The following MCM10 variants were observed in gnomAD, a reference collection of about 807,000 sequenced individuals.
MCM10 encodes protein MCM10 homolog.
A neutral mutation model predicts 109.9 loss-of-function variants in MCM10; 91 were observed. The ratio of observed to expected loss-of-function variants is 0.83; its 90% CI spans 0.70 to 0.99. The LOEUF (loss-of-function observed/expected upper bound fraction) is 0.99, where lower values mean the gene tolerates loss of function less well. Among genes scored for constraint, MCM10 ranks in the 50% least tolerant of loss-of-function variants. MCM10 has a pLI of 0.00. For missense variants in MCM10, 1,077 were observed against 1,061.2 expected (o/e 1.01, Z -0.21); for synonymous variants, 380 against 387.2 (o/e 0.98, Z 0.22).
rs746574568 is a variant in MCM10 at position 13,171,185 on chromosome 10, C to G, written c.271C>G (p.Pro91Ala). The change falls in exon 3 of 20, where the codon CCC becomes GCC. Residue 91 changes from proline (P) to alanine (A), a missense_variant. Pro to Ala is a conservative substitution (Grantham distance 27, BLOSUM62 -1). Coordinates refer to ENST00000378714, the MANE Select transcript of MCM10 (RefSeq NM_018518.5). ...GGACTTAACAGATGAAGAAGAAGTTCCCGCATCACAGTCAACTGAAAATAG... is the reference window on the plus strand; with the variant it reads ...GGACTTAACAGATGAAGAAGAAGTTGCCGCATCACAGTCAACTGAAAATAG... ...MEDLTDEEEV[P>A]ASQSTENRVL... 1.2e-6 allele frequency: 2 copies of G among 1,614,146 alleles called. No homozygotes were observed. The highest frequency in any genetic ancestry group is 1.7e-6 in the Non-Finnish European group (2 of 1,180,028).
rs1834344472 is a variant in MCM10, at chr10:13,191,363, A to G, written c.1480A>G (p.Thr494Ala). The G allele has an allele frequency of 1.2e-6, 2 of 1,614,126 alleles. No homozygotes were observed. The highest frequency in any genetic ancestry group is 1.7e-6 in the Non-Finnish European group (2 of 1,179,996). ...TTLSNLVVKGTNLIIQETRQK... is the reference protein window; with the variant it reads ...TTLSNLVVKGANLIIQETRQK... ...TCTGAGTAATCTGGTTGTTAAGGGC[A>G]CAAACTTGATCATCCAGGAAACACG... Residue 494 changes from threonine to alanine, a missense_variant, in exon 11 of 20, where the codon ACA becomes GCA. Thr to Ala is a moderately conservative substitution (Grantham distance 58, BLOSUM62 0). Transcript: ENST00000378714.
chr10:13,179,448 C>T (rs1266292244), intron 6 of MCM10, among the ~76,000 whole-genome samples: 1 of 152,124 alleles, frequency 6.6e-6, no homozygotes, highest in Non-Finnish European at 1.5e-5. Flanking sequence ...AGAAATCAGC[C>T]AAAGGAAAGA....
In MCM10 at chr10:13,172,601, T is replaced by A; in HGVS notation, c.455-27T>A. The A allele has an allele frequency of 6.2e-7, 1 of 1,613,178 alleles. No homozygotes were observed. Among genetic ancestry groups the A allele is most frequent in the South Asian group, 1.1e-5 (1 of 90,874 alleles). Reference sequence around the variant, plus strand: ...AACCTCTTTCTGAATGGGTTTTTACTCACTTATTTTACTTTTGATTAAGTA... The same window carrying A: ...AACCTCTTTCTGAATGGGTTTTTACACACTTATTTTACTTTTGATTAAGTA... On this transcript the variant is annotated intron_variant, in intron 4 of 19. Transcript: ENST00000378714. The surrounding 1 kb of genome is among the most constrained non-coding windows in gnomAD (Gnocchi z 5.2).
chr10:13,196,286 G>A (rs182783572), intron 14 of MCM10, among the ~76,000 whole-genome samples: 3 of 152,108 alleles, frequency 2.0e-5, no homozygotes, highest in Non-Finnish European at 4.4e-5. Context: ...TGAAGTAGGG[G>A]TAGGGCACCC....
intron 2 of MCM10, among the ~76,000 whole-genome samples, chr10:13,168,598 A>G (rs1372691296): frequency 6.6e-6 from 1 of 152,192 alleles, no homozygotes; most frequent in Non-Finnish European, 1.5e-5. Flanking sequence ...GTGCCCAAAT[A>G]GGGGGGAAAA....
At position 13,191,404 on chromosome 10, in the gene MCM10, C is replaced by A; in HGVS notation, c.1516+5C>A. The A allele has an allele frequency of 6.2e-7, 1 of 1,611,096 alleles. No individual in the cohort carries two copies. The highest frequency in any genetic ancestry group is 8.5e-7 in the Non-Finnish European group (1 of 1,177,328). On this transcript the variant is annotated splice_donor_5th_base_variant and intron_variant, in intron 11 of 19. Transcript: ENST00000378714. ...AGGAAACACGGCAAAAACTCGGTAA[C>A]TTTGTTTTTCCATAAGAAATTTCTT... is the stretch of plus-strand genomic sequence containing the variant.
intron 6 of MCM10, among the ~76,000 whole-genome samples, chr10:13,177,269 T>C (rs928165642): frequency 2.0e-5 from 3 of 152,216 alleles, no homozygotes; most frequent in African/African-American, 7.2e-5. Flanking sequence ...TTGTTAAATG[T>C]GAACCTCAGG....
rs561726971 is a variant in MCM10, at chr10:13,170,977, C to G, written c.63C>G (p.Ala21=). 2.6e-5 allele frequency: 42 copies of G among 1,614,180 alleles called. No individual in the cohort carries two copies. The highest frequency in any genetic ancestry group is 2.3e-4 in the South Asian group (21 of 91,076). ...LTALLEENES[A]LDCNSEENNF... Reference sequence around the variant, plus strand: ...CACTGCTGGAAGAAAATGAGTCAGCCTTGGATTGTAATTCAGAAGAAAATA... The same window carrying G: ...CACTGCTGGAAGAAAATGAGTCAGCGTTGGATTGTAATTCAGAAGAAAATA... Residue 21 remains alanine (A), a synonymous_variant, in exon 3 of 20, where the codon GCC becomes GCG. Coordinates refer to ENST00000378714, the MANE Select transcript of MCM10 (RefSeq NM_018518.5).
At chr10:13,208,951 T>C (rs911813165) in intron 18 of MCM10, 140 bp from the exon 19 acceptor site, 1 of 690,620 alleles carries the variant, frequency 1.4e-6, no homozygotes, top group South Asian at 1.7e-5. Flanking sequence ...AACCTCAGAT[T>C]TGGCATACAA....
chr10:13,196,030 A>G (rs1400743998), intron 14 of MCM10, among the ~76,000 whole-genome samples: 1 of 151,754 alleles, frequency 6.6e-6, no homozygotes, highest in Non-Finnish European at 1.5e-5. Flanking sequence ...CAGCCTCCCA[A>G]GTAGTAGCTG....
intron 16 of MCM10, among the ~76,000 whole-genome samples, chr10:13,199,721 T>C (rs1249548677): frequency 1.3e-5 from 2 of 152,194 alleles, no homozygotes; most frequent in Admixed American, 6.5e-5. Context: ...CAGAACTAGC[T>C]TAGGGGAAAT....
At chr10:13,180,728 C>T in intron 7 of MCM10, 121 bp downstream of exon 7, 1 of 1,135,464 alleles carries the variant, frequency 8.8e-7, no homozygotes, top group Non-Finnish European at 1.3e-6. Flanking sequence ...TAGTAAGTTC[C>T]AGAATCACCA....
chr10:13,188,589 T>C (rs1251361372), intron 9 of MCM10, among the ~76,000 whole-genome samples: 1 of 152,222 alleles, frequency 6.6e-6, no homozygotes, highest in Non-Finnish European at 1.5e-5. Flanking sequence ...CTTGTGTGTC[T>C]GACTTCTTTC....
chr10:13,200,800 C>T (rs1834487982), intron 16 of MCM10, among the ~76,000 whole-genome samples: 1 of 152,244 alleles, frequency 6.6e-6, no homozygotes, highest in Non-Finnish European at 1.5e-5. Context: ...ACACACTTGA[C>T]ATACTGATAC....
chr10:13,204,512 T>C, intron 18 of MCM10, 148 bp downstream of exon 18: 1 of 969,014 alleles, frequency 1.0e-6, no homozygotes. Flanking sequence ...AGCTGTTAAC[T>C]GAAATCCCTG....
rs1438006866 is a variant in MCM10 at position 13,172,677 on chromosome 10, G to A, written c.504G>A (p.Gln168=). The A allele has an allele frequency of 1.6e-5, 26 of 1,614,074 alleles. No homozygotes were observed. The highest frequency in any genetic ancestry group is 2.2e-5 in the Non-Finnish European group (26 of 1,180,034). The change falls in exon 5 of 20, where the codon CAG becomes CAA. Residue 168 remains glutamine, a synonymous_variant. Transcript: ENST00000378714. The surrounding 1 kb of genome is among the most constrained non-coding windows in gnomAD (Gnocchi z 5.2). ...AGGAGAGGAGAGTTCAGAGAATTCA[G>A]GAGTCAACATGCTTTTCTGCGGAGC... ...PLKERRVQRI[Q]ESTCFSAELD...
intron 13 of MCM10, 85 bp from the exon 14 acceptor site, chr10:13,194,956 C>T: frequency 7.9e-7 from 1 of 1,265,726 alleles, no homozygotes; most frequent in Non-Finnish European, 1.1e-6. Flanking sequence ...GGTGGCCTGC[C>T]TGCCGCCTCC....
chr10:13,194,904 C>T (rs1834394783), intron 13 of MCM10, 137 bp from the exon 14 acceptor site: 1 of 661,772 alleles, frequency 1.5e-6, no homozygotes, highest in Non-Finnish European at 2.6e-6. Flanking sequence ...GAATTACCAG[C>T]CTAGAAGGGG....
At chr10:13,177,708 C>G (rs1005137509) in intron 6 of MCM10, among the ~76,000 whole-genome samples, 8 of 151,854 alleles carry the variant, frequency 5.3e-5, no homozygotes, top group Admixed American at 4.6e-4. Flanking sequence ...CCCATCTCTA[C>G]AGAAACAAAA....
Sources: allele counts gnomAD v4.1 joint callset (sites outside exome capture counted in the v4.1 genomes callset), GRCh38; gene constraint gnomAD v4.1.1; non-coding constraint Gnocchi (gnomAD v3.1); transcripts MANE v1.5; gene names NCBI Gene and HGNC (gene_info 2026-07-23, HGNC 2026-07-21).